SPCS3: variants seen among roughly 807,000 people sequenced by gnomAD.
SPCS3 encodes the protein signal peptidase complex subunit 3.
In SPCS3, 9 loss-of-function variants were observed where a neutral mutation model predicts 17.2. That is an observed-to-expected ratio of 0.52 (90% confidence interval 0.31 to 0.91). The LOEUF (loss-of-function observed/expected upper bound fraction) is 0.91. SPCS3 is among the 40% of genes least tolerant of loss of function. The pLI is 0.04. For missense variants in SPCS3, 139 were observed against 217.5 expected, an observed-to-expected ratio of 0.64 and a Z score of 2.27; for synonymous variants, 87 against 89.6, an observed-to-expected ratio of 0.97 and a Z score of 0.16.
At position 176,330,683 on chromosome 4, in the gene SPCS3, C is replaced by T. The variant is rs1174823556; in HGVS notation, c.*2353C>T. On this transcript the variant is annotated 3_prime_UTR_variant, in exon 5 of 5. Transcript: ENST00000503362. ...CTTGTGTTCAGTTTGATAACCAGTT[C>T]ATTTGCTTTAGTCTCAGTGTTTTAA... 1 of 152,134 alleles carries T rather than the reference C, an allele frequency of 6.6e-6. No individual in the cohort carries two copies. The highest frequency in any genetic ancestry group is 1.5e-5 in the Non-Finnish European group (1 of 68,018). The allele number at this position is 152,134 out of a possible 1,614,324, so 9.4% of individuals were successfully genotyped here. A position where few individuals can be genotyped will look rare whatever the true frequency, so the allele number is the denominator to read the frequency against.
At chr4:176,327,381 A>T (rs563058560) in intron 4 of SPCS3, 104 bp downstream of exon 4, 1 of 687,598 alleles carries the variant, frequency 1.5e-6, no homozygotes, top group African/African-American at 1.8e-5. Context: ...AAGGAGAAAA[A>T]TTGGGAAAGA....
At chr4:176,324,319 A>G in intron 3 of SPCS3, 62 bp downstream of exon 3, 1 of 770,944 alleles carries the variant, frequency 1.3e-6, no homozygotes, top group Non-Finnish European at 1.8e-6. Context: ...TTACGAAAGA[A>G]TACACATTTT....
chr4:176,327,016 T>A, intron 3 of SPCS3, 146 bp from the exon 4 acceptor site: 1 of 503,648 alleles, frequency 2.0e-6, no homozygotes, highest in South Asian at 2.7e-5. Context: ...CTCTCTTTGC[T>A]ATCATTTGTA....
intron 2 of SPCS3, among the ~76,000 whole-genome samples, chr4:176,323,174 CG>C (rs1731560203): frequency 6.6e-6 from 1 of 152,198 alleles, no homozygotes; most frequent in South Asian, 2.1e-4. Flanking sequence ...AGTGTACCAT[CG>C]GAAGAGTCTT....
Position 176,328,494 on chromosome 4 carries a change from A to T in SPCS3, c.*164A>T, listed in dbSNP as rs1012425058. 4 of 442,396 alleles carry T rather than the reference A, an allele frequency of 9.0e-6. No individual in the cohort carries two copies. The highest frequency in any genetic ancestry group is 6.3e-4 in the Middle Eastern group (1 of 1,586). 27.4% of individuals were successfully genotyped at this position (442,396 alleles called of 1,614,324 possible). ...ACATCAAAAGGCCTGTTTAAAGGGA[A>T]AGGTTAATGGGCTACTTAATATTAT... On this transcript the variant is annotated 3_prime_UTR_variant, in exon 5 of 5. Transcript: ENST00000503362.
At chr4:176,321,971 T>G in intron 1 of SPCS3, 199 bp from the exon 2 acceptor site, 1 of 427,370 alleles carries the variant, frequency 2.3e-6, no homozygotes, top group Non-Finnish European at 4.2e-6. Flanking sequence ...GTATATGCAA[T>G]TAGCTGAAGA....
chr4:176,324,456 TTTC>T (rs1560837767), intron 3 of SPCS3, among the ~76,000 whole-genome samples, 199 bp downstream of exon 3: 2 of 152,136 alleles, frequency 1.3e-5, no homozygotes, highest in African/African-American at 4.8e-5. Flanking sequence ...GTTTGTTTGT[TTTC>T]TGTTTGTTCT....
Position 176,328,388 on chromosome 4 carries a change from C to G in SPCS3, c.*58C>G. Reference sequence around the variant, plus strand: ...ACTTAATGAATTGTATCTCATTAATCTCTTCCCTTACATCTTCATGTATTG... The same window carrying G: ...ACTTAATGAATTGTATCTCATTAATGTCTTCCCTTACATCTTCATGTATTG... On this transcript the variant is annotated 3_prime_UTR_variant, in exon 5 of 5. Coordinates refer to ENST00000503362, the MANE Select transcript of SPCS3 (RefSeq NM_021928.4). 1 of 1,288,160 alleles carries G rather than the reference C, an allele frequency of 7.8e-7. No individual in the cohort carries two copies. Among genetic ancestry groups the G allele is most frequent in the Non-Finnish European group, 1.0e-6 (1 of 975,210 alleles). 79.8% of individuals were successfully genotyped at this position (1,288,160 alleles called of 1,614,324 possible).
chr4:176,327,614 G>A (rs973748205), intron 4 of SPCS3, among the ~76,000 whole-genome samples: 3 of 152,208 alleles, frequency 2.0e-5, no homozygotes, highest in South Asian at 2.1e-4. Flanking sequence ...GAAGCAGCAT[G>A]TTGGGTCTAG....
intron 4 of SPCS3, 139 bp from the exon 5 acceptor site, chr4:176,328,059 T>C: frequency 1.3e-6 from 1 of 750,950 alleles, no homozygotes; most frequent in Non-Finnish European, 2.1e-6. Context: ...AATAGTTCTT[T>C]TTGCAGATTA....
rs779087358 is a variant in SPCS3, at chr4:176,327,193, T to C, written c.326T>C (p.Ile109Thr). 6 of 1,593,484 alleles carry C rather than the reference T, an allele frequency of 3.8e-6. No homozygotes were observed. The highest frequency in any genetic ancestry group is 5.1e-6 in the Non-Finnish European group (6 of 1,171,828). Reference protein sequence around the residue: ...ALNQVVLWDKIVLRGDNPKLL... With the variant: ...ALNQVVLWDKTVLRGDNPKLL... ...AACCAAGTTGTCCTATGGGACAAGA[T>C]TGTTTTGAGAGGTGATAATCCGAAG... Residue 109 changes from isoleucine (I) to threonine (T), a missense_variant, in exon 4 of 5, where the codon ATT becomes ACT. By Grantham distance (89) the Ile-to-Thr change is moderately conservative (BLOSUM62 -1). Transcript: ENST00000503362.
chr4:176,327,598 A>G (rs1731624416), intron 4 of SPCS3, among the ~76,000 whole-genome samples: 1 of 152,182 alleles, frequency 6.6e-6, no homozygotes, highest in South Asian at 2.1e-4. Flanking sequence ...GAGTCGGGAA[A>G]CCTTAGAAGC....
chr4:176,320,219 T>A lies in SPCS3; in HGVS notation c.143T>A (p.Leu48Gln). Residue 48 changes from leucine (L) to glutamine (Q), a missense_variant and splice_region_variant, in exon 1 of 5, where the codon CTA becomes CAA. By Grantham distance (113) the Leu-to-Gln change is moderately radical (BLOSUM62 -2). Coordinates refer to ENST00000503362, the MANE Select transcript of SPCS3 (RefSeq NM_021928.4). The stretch of plus-strand genomic sequence containing the variant: ...CGGCTGCACGTCTCGCGGATCATGC[T>A]GTGAGTGAGGCCGGGCCGGCGGTGC... Reference protein sequence around the residue: ...PVRLHVSRIMLKNVEDFTGPR... With the variant: ...PVRLHVSRIMQKNVEDFTGPR... 1 of 1,562,114 alleles carries A rather than the reference T, an allele frequency of 6.4e-7. No individual in the cohort carries two copies. The highest frequency in any genetic ancestry group is 8.7e-7 in the Non-Finnish European group (1 of 1,155,148).
rs1731680316 is a variant in SPCS3 at position 176,331,127 on chromosome 4, G to A, written c.*2797G>A. The A allele has an allele frequency of 6.6e-6, 1 of 152,002 alleles. No homozygotes were observed. The highest frequency in any genetic ancestry group is 2.4e-5 in the African/African-American group (1 of 41,386). 9.4% of individuals were successfully genotyped at this position (152,002 alleles called of 1,614,324 possible). ...TTATCATCTTAGAGATGATAGATGGGCTTTTTAAAGATTTCATCTTAGAGA... is the reference window on the plus strand; with the variant it reads ...TTATCATCTTAGAGATGATAGATGGACTTTTTAAAGATTTCATCTTAGAGA... On this transcript the variant is annotated 3_prime_UTR_variant, in exon 5 of 5. Coordinates refer to ENST00000503362, the MANE Select transcript of SPCS3 (RefSeq NM_021928.4).
chr4:176,323,988 T>C (rs905130344), intron 2 of SPCS3, among the ~76,000 whole-genome samples, 193 bp from the exon 3 acceptor site: 2 of 152,140 alleles, frequency 1.3e-5, no homozygotes, highest in African/African-American at 4.8e-5. Context: ...CATTTTTTTG[T>C]TTTGGAATAA....
chr4:176,320,360 C>G (rs1731519124), intron 1 of SPCS3, 141 bp downstream of exon 1: 1 of 746,986 alleles, frequency 1.3e-6, no homozygotes, highest in East Asian at 4.4e-5. Flanking sequence ...AGTTCGCCCC[C>G]GAGGGCGGTC....
intron 1 of SPCS3, 76 bp from the exon 2 acceptor site, chr4:176,322,094 T>G (rs1269146515): frequency 2.1e-6 from 2 of 953,800 alleles, no homozygotes; most frequent in East Asian, 4.9e-5. Flanking sequence ...ACACCTGTAT[T>G]CTTTCTCTTT....
At position 176,319,975 on chromosome 4, in the gene SPCS3, AC is replaced by A. The variant is rs909701018; in HGVS notation, c.-101del. 1.1e-5 allele frequency: 14 copies of A among 1,312,068 alleles called. No homozygotes were observed. In the African/African-American group the frequency reaches 2.0e-4, roughly 19 times the overall value. The allele number at this position is 1,312,068 out of a possible 1,614,324, so 81.3% of individuals were successfully genotyped here. On this transcript the variant is annotated 5_prime_UTR_variant, in exon 1 of 5. Coordinates refer to ENST00000503362, the MANE Select transcript of SPCS3 (RefSeq NM_021928.4). ...GGCTGCGGCGGCGCGCGCTCCCGGA[AC>A]GCGCGCACCGCAGACGGCGCGGATC...
chr4:176,326,030 T>C (rs991640953), intron 3 of SPCS3, among the ~76,000 whole-genome samples: 1 of 152,192 alleles, frequency 6.6e-6, no homozygotes, highest in Non-Finnish European at 1.5e-5. Flanking sequence ...CCGGGCACAG[T>C]GGCTCACACC....
Sources: gnomAD v4.1 joint callset for allele counts (sites outside exome capture counted in the v4.1 genomes callset) on GRCh38, gnomAD v4.1.1 for gene constraint, MANE v1.5 for transcripts, NCBI Gene and HGNC (gene_info 2026-07-23, HGNC 2026-07-21) for gene names.